TENM3: variants seen among roughly 807,000 people sequenced by gnomAD.
TENM3 encodes the protein teneurin transmembrane protein 3.
Under a neutral mutation model 255.1 loss-of-function variants are expected in TENM3, and 63 were observed. The observed-to-expected ratio is 0.25, with a 90% CI of 0.20 to 0.30. The LOEUF (loss-of-function observed/expected upper bound fraction) is 0.30. Ranked by LOEUF, TENM3 falls within the 10% of genes least tolerant of loss-of-function variation. The pLI is 1.00. For missense variants in TENM3, 2,929 were observed against 3,461.1 expected (o/e 0.85, Z 3.86); for synonymous variants, 1,306 against 1,322.3 (o/e 0.99, Z 0.27).
intron 3 of TENM3, among the ~76,000 whole-genome samples, chr4:182,533,171 T>C (rs937608425): frequency 2.0e-5 from 3 of 152,208 alleles, no homozygotes; most frequent in Non-Finnish European, 4.4e-5. Flanking sequence ...GTGGATGTGT[T>C]TTTATGGCTA....
At chr4:181,487,182 G>A in the TENM3 span, among the ~76,000 whole-genome samples, 21 of 152,290 alleles carry the variant, frequency 1.4e-4, no homozygotes, top group African/African-American at 5.1e-4. Flanking sequence ...AGAAGATAGA[G>A]GGGGTGTAGC....
At chr4:181,993,341 A>C in the TENM3 span, among the ~76,000 whole-genome samples, 1 of 152,162 alleles carries the variant, frequency 6.6e-6, no homozygotes, top group Non-Finnish European at 1.5e-5. Flanking sequence ...ACTTTGTGAT[A>C]AGCTGGACTT....
At chr4:182,315,545 A>G (rs1024436609) in intron 1 of TENM3, among the ~76,000 whole-genome samples, 4 of 152,128 alleles carry the variant, frequency 2.6e-5, no homozygotes, top group African/African-American at 9.7e-5. Context: ...TTGAGCAGTT[A>G]AACATAACCA....
chr4:181,613,249 T>C, the TENM3 span, among the ~76,000 whole-genome samples: 6 of 152,230 alleles, frequency 3.9e-5, no homozygotes, highest in African/African-American at 1.4e-4. Context: ...TCCTTGTTCC[T>C]AGATTTGCAA....
At chr4:182,586,822 A>G (rs1052706013) in intron 3 of TENM3, among the ~76,000 whole-genome samples, 1 of 152,236 alleles carries the variant, frequency 6.6e-6, no homozygotes, top group Admixed American at 6.5e-5. Context: ...GGGACTCAAT[A>G]AACTACAGGT....
intron 4 of TENM3, among the ~76,000 whole-genome samples, chr4:182,626,739 G>T (rs943221645): frequency 4.6e-5 from 7 of 152,210 alleles, no homozygotes; most frequent in Non-Finnish European, 7.3e-5. Context: ...AAGTAGTTCA[G>T]TGGGGGGAGA....
the TENM3 span, among the ~76,000 whole-genome samples, chr4:181,648,968 C>T: frequency 8.5e-4 from 129 of 152,292 alleles, 1 homozygote; most frequent in African/African-American, 3.0e-3. Context: ...AAAATATGTC[C>T]TCCTTCATTT....
At chr4:182,556,081 G>A (rs1742557862) in intron 3 of TENM3, among the ~76,000 whole-genome samples, 1 of 152,072 alleles carries the variant, frequency 6.6e-6, no homozygotes. Context: ...AACAATAGAA[G>A]TTTTACCCCA....
chr4:181,541,980 A>T, the TENM3 span, among the ~76,000 whole-genome samples: 1 of 152,192 alleles, frequency 6.6e-6, no homozygotes, highest in African/African-American at 2.4e-5. Flanking sequence ...CCACCTTATA[A>T]GAATTTATTC....
the TENM3 span, among the ~76,000 whole-genome samples, chr4:181,809,349 C>T: frequency 6.6e-5 from 10 of 152,090 alleles, no homozygotes; most frequent in Non-Finnish European, 1.2e-4. Context: ...GCTTTTTGAC[C>T]ATAGGCCATG....
chr4:181,482,723 A>G, the TENM3 span, among the ~76,000 whole-genome samples: 2 of 152,066 alleles, frequency 1.3e-5, no homozygotes, highest in Non-Finnish European at 2.9e-5. Flanking sequence ...GGTACTTTCT[A>G]GAAGGTCCAC....
chr4:182,103,624 G>T, the TENM3 span, among the ~76,000 whole-genome samples: 2 of 152,132 alleles, frequency 1.3e-5, no homozygotes, highest in Admixed American at 6.5e-5. Flanking sequence ...CCTGCCCACA[G>T]CAGTCCCTTT....
the TENM3 span, among the ~76,000 whole-genome samples, chr4:182,037,400 G>A: frequency 1.6e-4 from 25 of 152,154 alleles, no homozygotes; most frequent in South Asian, 2.1e-4. Flanking sequence ...CACCCGCTTC[G>A]GCCTCCCAAA....
intron 26 of TENM3, among the ~76,000 whole-genome samples, chr4:182,794,948 C>A (rs1766387242): frequency 6.7e-6 from 1 of 148,346 alleles, no homozygotes; most frequent in Admixed American, 6.7e-5. Flanking sequence ...TTCCTGTTGT[C>A]TTTTTTTTTT....
chr4:181,793,600 T>A, the TENM3 span, among the ~76,000 whole-genome samples: 1 of 152,202 alleles, frequency 6.6e-6, no homozygotes, highest in African/African-American at 2.4e-5. Context: ...AACAAAATGC[T>A]TAATATTATC....
At chr4:182,516,268 A>G (rs750978541) in intron 3 of TENM3, among the ~76,000 whole-genome samples, 9 of 152,364 alleles carry the variant, frequency 5.9e-5, no homozygotes, top group Non-Finnish European at 1.0e-4. Flanking sequence ...CTGTACTTCT[A>G]TCTCACAGGC....
chr4:181,525,005 T>C, the TENM3 span, among the ~76,000 whole-genome samples: 3 of 152,318 alleles, frequency 2.0e-5, no homozygotes, highest in East Asian at 5.8e-4. Context: ...AATTGCTTGA[T>C]TATACGACAT....
Position 182,244,234 on chromosome 4 carries a change from T to TG in TENM3, c.-76+759dup, listed in dbSNP as rs567910041. On this transcript the variant is annotated intron_variant, in intron 1 of 27. Transcript: ENST00000511685. ...TCCCAAAGTGCTGGGATTACAGGCG[T>TG]GAGCCACCGCGCCCGGCCTCATTTG... Among the ~76,000 whole-genome samples, 3 of 152,002 alleles carry TG rather than the reference T, an allele frequency of 2.0e-5. No homozygotes were observed. The East Asian group carries it at 5.8e-4, about 30-fold the overall frequency.
chr4:181,671,093 G>A, the TENM3 span, among the ~76,000 whole-genome samples: 5 of 152,046 alleles, frequency 3.3e-5, no homozygotes, highest in Admixed American at 6.6e-5. Context: ...AATGTTCCCC[G>A]TGAAAGTAAA....
Sources: gnomAD v4.1 joint callset for allele counts (sites outside exome capture counted in the v4.1 genomes callset) on GRCh38, gnomAD v4.1.1 for gene constraint, MANE v1.5 for transcripts, NCBI Gene and HGNC (gene_info 2026-07-23, HGNC 2026-07-21) for gene names.